The following ACOT12 variants were observed in gnomAD, a reference collection of about 807,000 sequenced individuals.
ACOT12 encodes acyl-CoA thioesterase 12, also known as acetyl-coenzyme A thioesterase.
ACOT12 carries 51 observed loss-of-function variants against 67.7 expected under a neutral mutation model. That is an observed-to-expected ratio of 0.75 (90% CI 0.60 to 0.95). The LOEUF is 0.95. Ranked by LOEUF, ACOT12 falls within the 40% of genes least tolerant of loss-of-function variation. The probability of loss-of-function intolerance (pLI) is 0.00; values close to 1 mark genes in which losing one functional copy is unlikely to be tolerated. For missense variants in ACOT12, 734 were observed against 708.1 expected, an observed-to-expected ratio of 1.04 and a Z score of -0.41; for synonymous variants, 251 against 244.6, an observed-to-expected ratio of 1.03 and a Z score of -0.24.
In ACOT12 at chr5:81,330,340, G is replaced by C. The variant is rs561610337; in HGVS notation, c.*54C>G. ...AAGCTTGACAGATGTCAGGGCTAAG[G>C]GTGCTTGGAATTAAAAGTGGGAAAT... is the stretch of plus-strand genomic sequence containing the variant. On this transcript the variant is annotated 3_prime_UTR_variant, in exon 15 of 15. Coordinates refer to ENST00000307624, the MANE Select transcript of ACOT12 (RefSeq NM_130767.3). The C allele has an allele frequency of 4.9e-5, 78 of 1,579,012 alleles. No homozygotes were observed. The highest frequency in any genetic ancestry group is 8.7e-5 in the Admixed American group (5 of 57,406).
Position 81,388,925 on chromosome 5 carries a change from G to A in ACOT12, c.128-3099C>T, listed in dbSNP as rs138069743. 4.6e-5 allele frequency among the ~76,000 whole-genome samples: 7 copies of A among 152,260 alleles called. No homozygotes were observed. The East Asian group carries it at 9.6e-4, about 21-fold the overall frequency. ...GGTTCTCATTTTCTCTCCTGCCACCGCCATATAAGAAGTGCCTTCCACCTT... is the reference window on the plus strand; with the variant it reads ...GGTTCTCATTTTCTCTCCTGCCACCACCATATAAGAAGTGCCTTCCACCTT... On this transcript the variant is annotated intron_variant, in intron 1 of 14. Coordinates refer to ENST00000307624, the MANE Select transcript of ACOT12 (RefSeq NM_130767.3).
chr5:81,389,090 T>C (rs1456504345), intron 1 of ACOT12, among the ~76,000 whole-genome samples: 1 of 152,102 alleles, frequency 6.6e-6, no homozygotes, highest in South Asian at 2.1e-4. Flanking sequence ...AATGACAAAA[T>C]GGACTAAGTG....
chr5:81,338,821 C>T (rs1191357451), intron 11 of ACOT12, among the ~76,000 whole-genome samples: 4 of 152,110 alleles, frequency 2.6e-5, no homozygotes, highest in Non-Finnish European at 5.9e-5. Flanking sequence ...TATAAGAGGG[C>T]TTGCAATCCC....
At position 81,356,573 on chromosome 5, in the gene ACOT12, C is replaced by T. The variant is rs117886050; in HGVS notation, c.496+3330G>A. ...TCTTCCTTTTGGATGTCCACAGGCA[C>T]TTCAGACTCCATATGCCTAAAACTG... On this transcript the variant is annotated intron_variant, in intron 5 of 14. Transcript: ENST00000307624. Among the ~76,000 whole-genome samples, 3 of 152,250 alleles carry T rather than the reference C, an allele frequency of 2.0e-5. No individual in the cohort carries two copies. In the East Asian group the frequency reaches 5.8e-4, roughly 29 times the overall value.
chr5:81,385,191 G>A lies in ACOT12; in HGVS notation c.197+566C>T, dbSNP rs183689059. Reference sequence around the variant, plus strand: ...TAGCCGGGCATGGTGGCTCACTCCTGTAATCCCAGCACCTTGGGAAGCCAG... The same window carrying A: ...TAGCCGGGCATGGTGGCTCACTCCTATAATCCCAGCACCTTGGGAAGCCAG... On this transcript the variant is annotated intron_variant, in intron 2 of 14. Transcript: ENST00000307624. 3.1e-3 allele frequency among the ~76,000 whole-genome samples: 478 copies of A among 152,214 alleles called. 7 individuals are homozygous for A. The highest frequency in any genetic ancestry group is 8.8e-4 in the Non-Finnish European group (60 of 68,014).
At chr5:81,321,908 C>A in the ACOT12 span, among the ~76,000 whole-genome samples, 1 of 152,034 alleles carries the variant, frequency 6.6e-6, no homozygotes, top group Non-Finnish European at 1.5e-5. Context: ...GATTGTGCCA[C>A]TGCACTCCAG....
intron 3 of ACOT12, among the ~76,000 whole-genome samples, chr5:81,364,375 A>G (rs1760010890): frequency 6.6e-6 from 1 of 152,008 alleles, no homozygotes; most frequent in Non-Finnish European, 1.5e-5. Context: ...ACGTGTGTGT[A>G]TATATGCATG....
rs374660014 is a variant in ACOT12, at chr5:81,335,826, A to G, written c.1204T>C (p.Leu402=). The change falls in exon 12 of 15, where the codon TTG becomes CTG. Residue 402 remains leucine, a synonymous_variant. Coordinates refer to ENST00000307624, the MANE Select transcript of ACOT12 (RefSeq NM_130767.3). ...VEKHVGSPAH[L]AYRLLSDFTK... is the part of the protein sequence containing the mutation. Reference sequence around the variant, plus strand: ...AAGTCAGACAAGAGACGATAAGCCAAATGTGCTGGACTTCCCACGTGCTTT... The same window carrying G: ...AAGTCAGACAAGAGACGATAAGCCAGATGTGCTGGACTTCCCACGTGCTTT... The G allele has an allele frequency of 4.9e-5, 79 of 1,614,024 alleles. No homozygotes were observed. The highest frequency in any genetic ancestry group is 3.5e-4 in the Admixed American group (21 of 59,998).
chr5:81,330,886 A>G lies in ACOT12; in HGVS notation c.1446T>C (p.Ser482=), dbSNP rs1398595307. The stretch of plus-strand genomic sequence containing the variant: ...TGATTTCACTTCTGATGTACTGTGG[A>G]GACGGGGGGACCGATGGCAAAATGA... ...KSVILPSVPP[S]PQYIRSEIIC... is the part of the protein sequence containing the mutation. The change falls in exon 14 of 15, where the codon TCT becomes TCC. Residue 482 remains serine, a synonymous_variant. Transcript: ENST00000307624. 6.2e-7 allele frequency: 1 copy of G among 1,613,196 alleles called. No individual in the cohort carries two copies. The highest frequency in any genetic ancestry group is 8.5e-7 in the Non-Finnish European group (1 of 1,179,608).
the ACOT12 span, among the ~76,000 whole-genome samples, chr5:81,318,383 T>G: frequency 3.3e-5 from 5 of 152,216 alleles, no homozygotes; most frequent in African/African-American, 1.2e-4. Flanking sequence ...CTCAGTTCTA[T>G]TCCAATGATC....
At chr5:81,363,930 T>G in intron 3 of ACOT12, 41 bp from the exon 4 acceptor site, 3 of 1,389,142 alleles carry the variant, frequency 2.2e-6, no homozygotes, top group South Asian at 3.3e-5. Context: ...TCTTGGCCAG[T>G]TCAGATTTCA....
At chr5:81,363,574 C>A (rs576018637) in intron 4 of ACOT12, among the ~76,000 whole-genome samples, 2 of 152,090 alleles carry the variant, frequency 1.3e-5, no homozygotes, top group Middle Eastern at 3.4e-3. Flanking sequence ...CTTTCTATAT[C>A]GTCTTTTCTC....
Position 81,359,882 on chromosome 5 carries a change from CT to C in ACOT12, c.496+20del. On this transcript the variant is annotated intron_variant, in intron 5 of 14. Transcript: ENST00000307624. ...CTGTCACAGTTATAGAATTAAAATT[CT>C]TATAAGTGGATTTACTGACCATCAA... is the stretch of plus-strand genomic sequence containing the variant. The C allele has an allele frequency of 6.3e-7, 1 of 1,593,844 alleles. No individual in the cohort carries two copies. Among genetic ancestry groups the C allele is most frequent in the South Asian group, 1.1e-5 (1 of 87,060 alleles).
the ACOT12 span, chr5:81,312,484 C>A: frequency 7.6e-7 from 1 of 1,316,142 alleles, no homozygotes; most frequent in Non-Finnish European, 1.1e-6. Flanking sequence ...CAATAACAAT[C>A]TGAGTGGATG....
intron 2 of ACOT12, among the ~76,000 whole-genome samples, chr5:81,372,084 C>T (rs72771195): frequency 1.3e-5 from 2 of 152,294 alleles, no homozygotes; most frequent in Admixed American, 6.5e-5. Context: ...GACTCCAAAT[C>T]GGCAACACAT....
At chr5:81,309,756 C>T in the ACOT12 span, among the ~76,000 whole-genome samples, 2 of 152,200 alleles carry the variant, frequency 1.3e-5, no homozygotes, top group Non-Finnish European at 2.9e-5. Flanking sequence ...AAACTCTGAT[C>T]TCCGTTTCCT....
chr5:81,313,884 G>T, the ACOT12 span, among the ~76,000 whole-genome samples: 1 of 152,170 alleles, frequency 6.6e-6, no homozygotes, highest in African/African-American at 2.4e-5. Context: ...TTAAGGAAAT[G>T]AGTGCTATTT....
At chr5:81,367,358 T>C (rs1030253533) in intron 3 of ACOT12, among the ~76,000 whole-genome samples, 1 of 152,164 alleles carries the variant, frequency 6.6e-6, no homozygotes, top group Admixed American at 6.5e-5. Context: ...AAATAATAAC[T>C]ATGTATTGTA....
At chr5:81,380,456 C>T (rs1273382530) in intron 2 of ACOT12, among the ~76,000 whole-genome samples, 54 of 149,558 alleles carry the variant, frequency 3.6e-4, no homozygotes, top group Non-Finnish European at 4.4e-5. Context: ...CTCAGCTACT[C>T]GGGAGGCTGA....
Sources: gnomAD v4.1 joint callset for allele counts (sites outside exome capture counted in the v4.1 genomes callset) on GRCh38, gnomAD v4.1.1 for gene constraint, MANE v1.5 for transcripts, NCBI Gene and HGNC (gene_info 2026-07-23, HGNC 2026-07-21) for gene names.